The following MAF variants were observed in gnomAD, a reference collection of about 807,000 sequenced individuals.
MAF encodes transcription factor Maf.
In MAF, 10 loss-of-function variants were observed where a neutral mutation model predicts 22.0. That is an observed-to-expected ratio of 0.45 (90% CI 0.28 to 0.77). The LOEUF (loss-of-function observed/expected upper bound fraction) is 0.77, where lower values mean the gene tolerates loss of function less well. MAF is among the 30% of genes least tolerant of loss of function. The probability of loss-of-function intolerance (pLI) is 0.12; values close to 1 mark genes in which losing one functional copy is unlikely to be tolerated. For missense variants in MAF, 544 were observed against 548.4 expected (o/e 0.99, Z 0.08); for synonymous variants, 337 against 255.8 (o/e 1.32, Z -3.03).
At chr16:79,361,846 G>A in the MAF span, among the ~76,000 whole-genome samples, 2 of 152,172 alleles carry the variant, frequency 1.3e-5, no homozygotes, top group Non-Finnish European at 2.9e-5. Context: ...AGTCCAGGCT[G>A]TTACAGAGAG....
chr16:79,400,199 T>G, the MAF span, among the ~76,000 whole-genome samples: 1 of 152,160 alleles, frequency 6.6e-6, no homozygotes, highest in South Asian at 2.1e-4. Context: ...CCACAAAGAA[T>G]GAATTGTCCC....
At chr16:79,480,090 C>T in the MAF span, among the ~76,000 whole-genome samples, 1 of 152,138 alleles carries the variant, frequency 6.6e-6, no homozygotes, top group East Asian at 1.9e-4. Flanking sequence ...GAATCTTTGG[C>T]CTGTACCCAG....
At chr16:79,448,847 G>A in the MAF span, among the ~76,000 whole-genome samples, 4 of 152,070 alleles carry the variant, frequency 2.6e-5, no homozygotes, top group African/African-American at 4.8e-5. Context: ...CCAGGGACTC[G>A]TTTCATGGAA....
chr16:79,533,262 C>T, the MAF span, among the ~76,000 whole-genome samples: 2 of 152,144 alleles, frequency 1.3e-5, no homozygotes, highest in Non-Finnish European at 2.9e-5. Context: ...GGTCTCAGAC[C>T]TGTTTTGTAT....
At chr16:79,443,415 G>A in the MAF span, among the ~76,000 whole-genome samples, 2 of 152,310 alleles carry the variant, frequency 1.3e-5, no homozygotes, top group East Asian at 1.9e-4. Flanking sequence ...CTAACTGGGG[G>A]ACTTTCTGGT....
the MAF span, among the ~76,000 whole-genome samples, chr16:79,523,231 T>C: frequency 6.6e-6 from 1 of 152,226 alleles, no homozygotes; most frequent in East Asian, 1.9e-4. Context: ...CTAGCCATGA[T>C]TGTTCTAACA....
chr16:79,306,386 T>C, the MAF span, among the ~76,000 whole-genome samples: 4,485 of 152,248 alleles, frequency 0.029, 239 homozygotes, highest in African/African-American at 0.1. Flanking sequence ...TCCACACACA[T>C]GTATGGAGTG....
chr16:79,325,688 T>C, the MAF span, among the ~76,000 whole-genome samples: 1 of 151,920 alleles, frequency 6.6e-6, no homozygotes. Flanking sequence ...CAAAGCAAGA[T>C]ATAAATGCAC....
At chr16:79,535,564 A>G in the MAF span, among the ~76,000 whole-genome samples, 2 of 150,140 alleles carry the variant, frequency 1.3e-5, no homozygotes, top group African/African-American at 4.9e-5. Context: ...AGGACTGAAG[A>G]TAGCATCAAG....
the MAF span, among the ~76,000 whole-genome samples, chr16:79,557,920 G>GTGCCCAATGAAGTGGGCACTCCTTAGA: frequency 3.7e-3 from 565 of 152,108 alleles, 1 homozygote; most frequent in Non-Finnish European, 5.9e-3. Context: ...AAGGACTCCT[G>GTGCCCAATGAAGTGGGCACTCCTTAGA]AGGGAAGTGA....
At chr16:79,279,208 C>A in the MAF span, among the ~76,000 whole-genome samples, 1 of 152,084 alleles carries the variant, frequency 6.6e-6, no homozygotes, top group African/African-American at 2.4e-5. Flanking sequence ...CCTCTCCACC[C>A]CCTCATTCTC....
the MAF span, among the ~76,000 whole-genome samples, chr16:79,388,990 T>A: frequency 6.6e-6 from 1 of 152,228 alleles, no homozygotes; most frequent in Non-Finnish European, 1.5e-5. Context: ...GAGGCCCTTA[T>A]GATGTGTTTC....
the MAF span, among the ~76,000 whole-genome samples, chr16:79,269,081 G>A: frequency 2.0e-5 from 3 of 152,262 alleles, no homozygotes; most frequent in South Asian, 4.1e-4. Context: ...CAGCTTTAAT[G>A]TCTTGTAACC....
At chr16:79,496,153 T>C in the MAF span, among the ~76,000 whole-genome samples, 1,628 of 152,180 alleles carry the variant, frequency 0.011, 27 homozygotes, top group South Asian at 0.067. Context: ...CCACTAAGTG[T>C]AGGAGTATTT....
At chr16:79,356,563 C>T in the MAF span, among the ~76,000 whole-genome samples, 1 of 152,176 alleles carries the variant, frequency 6.6e-6, no homozygotes, top group Admixed American at 6.5e-5. Flanking sequence ...AAGATTCACA[C>T]CCCTAGGTCT....
chr16:79,395,097 G>T, the MAF span, among the ~76,000 whole-genome samples: 2 of 152,186 alleles, frequency 1.3e-5, no homozygotes, highest in African/African-American at 4.8e-5. Context: ...CGGAGAGAAC[G>T]CAAGAGCCAA....
chr16:79,452,689 G>C, the MAF span, among the ~76,000 whole-genome samples: 3 of 152,034 alleles, frequency 2.0e-5, no homozygotes, highest in Non-Finnish European at 2.9e-5. Context: ...AGCTTCTTTG[G>C]AGTCAGCATG....
the MAF span, among the ~76,000 whole-genome samples, chr16:79,399,672 G>C: frequency 6.6e-6 from 1 of 152,088 alleles, no homozygotes. Flanking sequence ...AGTTTCCAGA[G>C]CCCTTGAGCT....
chr16:79,408,003 A>G, the MAF span, among the ~76,000 whole-genome samples: 1 of 136,656 alleles, frequency 7.3e-6, no homozygotes, highest in African/African-American at 2.7e-5. Flanking sequence ...GACCCTCATG[A>G]CAGTTTTACA....
Sources: gnomAD v4.1 joint callset for allele counts (sites outside exome capture counted in the v4.1 genomes callset) on GRCh38, gnomAD v4.1.1 for gene constraint, MANE v1.5 for transcripts, NCBI Gene and HGNC (gene_info 2026-07-23, HGNC 2026-07-21) for gene names.